QRFPR: variants seen among roughly 807,000 people sequenced by gnomAD.
The protein encoded by QRFPR is pyroglutamylated RF-amide peptide receptor.
QRFPR carries 37 observed loss-of-function variants against 31.3 expected under a neutral mutation model. That is an observed-to-expected ratio of 1.18 (90% confidence interval 0.91 to 1.56). The LOEUF is 1.56. QRFPR is among the 40% of genes most tolerant of loss of function. QRFPR has a pLI of 0.00. For missense variants in QRFPR, 542 were observed against 532.5 expected (o/e 1.02, Z -0.18); for synonymous variants, 197 against 192.0 (o/e 1.03, Z -0.22).
At position 121,365,581 on chromosome 4, in the gene QRFPR, T is replaced by TAA. The variant is rs1560743864; in HGVS notation, c.340+14726_340+14727insTT. On this transcript the variant is annotated intron_variant, in intron 1 of 5. Coordinates refer to ENST00000394427, the MANE Select transcript of QRFPR (RefSeq NM_198179.3). ...TAATATATATTATATATAATATATATTATATATATTATATATATATAATAT... is the reference window on the plus strand; with the variant it reads ...TAATATATATTATATATAATATATATAATATATATATTATATATATATAATAT... 4.7e-4 allele frequency among the ~76,000 whole-genome samples: 3 copies of TAA among 6,374 alleles called. 1 individual carries two copies. The highest frequency in any genetic ancestry group is 5.5e-4 in the Non-Finnish European group (2 of 3,638). The allele number at this position is 6,374 out of a possible 152,430, so 4.2% of individuals were successfully genotyped here.
At chr4:121,340,633 A>G in intron 1 of QRFPR, 23 bp from the exon 2 acceptor site, 1 of 1,601,002 alleles carries the variant, frequency 6.2e-7, no homozygotes, top group Non-Finnish European at 8.5e-7. Context: ...AATAGGACAA[A>G]TCATACATCA....
chr4:121,332,799 G>A, intron 4 of QRFPR, 22 bp downstream of exon 4: 1 of 1,536,808 alleles, frequency 6.5e-7, no homozygotes, highest in Non-Finnish European at 9.0e-7. Flanking sequence ...ATTTAAAGAG[G>A]TGAATATTTC....
intron 1 of QRFPR, among the ~76,000 whole-genome samples, chr4:121,341,331 C>A (rs1463229394): frequency 6.6e-6 from 1 of 152,174 alleles, no homozygotes; most frequent in Non-Finnish European, 1.5e-5. Flanking sequence ...TTGCTGCTAC[C>A]AAATTCATCA....
At chr4:121,354,026 G>A (rs1725816322) in intron 1 of QRFPR, among the ~76,000 whole-genome samples, 1 of 152,004 alleles carries the variant, frequency 6.6e-6, no homozygotes, top group African/African-American at 2.4e-5. Context: ...GCAAATGCAT[G>A]AATTTATTCC....
In QRFPR at chr4:121,340,569, C is replaced by T. The variant is rs189743021; in HGVS notation, c.382G>A (p.Ala128Thr). ...CKMVPFVQST[A>T]VVTEILTMTC... ...ATAGTGAGGATTTCTGTCACAACAG[C>T]GGTAGACTGGACAAATGGCACCATC... Residue 128 changes from alanine (A) to threonine (T), a missense_variant, in exon 2 of 6, where the codon GCT becomes ACT. By Grantham distance (58) the Ala-to-Thr change is moderately conservative. Coordinates refer to ENST00000394427, the MANE Select transcript of QRFPR (RefSeq NM_198179.3). 2.5e-5 allele frequency: 40 copies of T among 1,613,938 alleles called. No individual in the cohort carries two copies. The highest frequency in any genetic ancestry group is 1.5e-4 in the African/African-American group (11 of 74,990).
chr4:121,333,452 C>A (rs1482848165), intron 3 of QRFPR, among the ~76,000 whole-genome samples: 1 of 152,182 alleles, frequency 6.6e-6, no homozygotes, highest in East Asian at 1.9e-4. Flanking sequence ...TATTTTGCTT[C>A]TTCAATTGTT....
chr4:121,367,560 A>AAT lies in QRFPR; in HGVS notation c.340+12746_340+12747dup, dbSNP rs1353415144. Among the ~76,000 whole-genome samples, 5 of 150,606 alleles carry AAT rather than the reference A, an allele frequency of 3.3e-5. No homozygotes were observed. The East Asian group carries it at 9.9e-4, about 30-fold the overall frequency. ...AGTTGCTTTGTAAAAGTACACACCA[A>AAT]ATATATTTGAGATATTACTAACAGT... On this transcript the variant is annotated intron_variant, in intron 1 of 5. Transcript: ENST00000394427.
intron 1 of QRFPR, among the ~76,000 whole-genome samples, chr4:121,366,066 C>T (rs1459655250): frequency 1.3e-5 from 2 of 149,008 alleles, no homozygotes; most frequent in African/African-American, 2.5e-5. Flanking sequence ...TACCTGAGTT[C>T]GAGGGGTGGA....
chr4:121,337,090 C>T (rs1361748776), intron 2 of QRFPR, among the ~76,000 whole-genome samples: 1 of 152,232 alleles, frequency 6.6e-6, no homozygotes, highest in East Asian at 1.9e-4. Flanking sequence ...AATAGTGTTT[C>T]ACTGCCTACA....
At chr4:121,331,158 T>C (rs1725313983) in intron 4 of QRFPR, among the ~76,000 whole-genome samples, 1 of 147,360 alleles carries the variant, frequency 6.8e-6, no homozygotes. Flanking sequence ...AATGGATATC[T>C]ATACGATATA....
chr4:121,330,319 A>G, intron 5 of QRFPR, 107 bp downstream of exon 5: 1 of 725,832 alleles, frequency 1.4e-6, no homozygotes, highest in Non-Finnish European at 2.3e-6. Context: ...ATGAAATGTT[A>G]GGTATTTGAT....
intron 1 of QRFPR, among the ~76,000 whole-genome samples, chr4:121,341,435 T>C (rs1017196664): frequency 6.6e-6 from 1 of 152,148 alleles, no homozygotes; most frequent in Non-Finnish European, 1.5e-5. Context: ...AAAGCAGAAA[T>C]TCTCTCTTCA....
intron 1 of QRFPR, among the ~76,000 whole-genome samples, chr4:121,377,999 C>T (rs995019294): frequency 3.3e-5 from 5 of 151,962 alleles, no homozygotes; most frequent in Admixed American, 6.6e-5. Flanking sequence ...ATGCTCTCAC[C>T]TCTCCCTCGC....
chr4:121,344,485 C>T (rs952867262), intron 1 of QRFPR, among the ~76,000 whole-genome samples: 1 of 152,104 alleles, frequency 6.6e-6, no homozygotes, highest in Non-Finnish European at 1.5e-5. Flanking sequence ...AACCAGCTCT[C>T]TAAGAAATTA....
At position 121,333,031 on chromosome 4, in the gene QRFPR, T is replaced by C. The variant is rs1725362652; in HGVS notation, c.587A>G (p.Lys196Arg). Reference protein sequence around the residue: ...LEIKYDFLYEKEHICCLEEWT... With the variant: ...LEIKYDFLYEREHICCLEEWT... ...CTCTTCTAAGCAGCAGATGTGTTCC[T>C]TTTCATATAGGAAGTCATATTTGAT... is the stretch of plus-strand genomic sequence containing the variant. The change falls in exon 4 of 6, where the codon AAG becomes AGG. Residue 196 changes from lysine (K) to arginine (R), a missense_variant. Coordinates refer to ENST00000394427, the MANE Select transcript of QRFPR (RefSeq NM_198179.3). 1 of 1,612,232 alleles carries C rather than the reference T, an allele frequency of 6.2e-7. No homozygotes were observed. The highest frequency in any genetic ancestry group is 1.1e-5 in the South Asian group (1 of 90,882).
chr4:121,358,596 T>C (rs905434768), intron 1 of QRFPR, among the ~76,000 whole-genome samples: 1 of 152,214 alleles, frequency 6.6e-6, no homozygotes, highest in African/African-American at 2.4e-5. Flanking sequence ...ACAGAATAGT[T>C]GGGGGAAGGG....
At chr4:121,350,996 T>TAATA (rs1219245149) in intron 1 of QRFPR, among the ~76,000 whole-genome samples, 1 of 152,202 alleles carries the variant, frequency 6.6e-6, no homozygotes, top group Non-Finnish European at 1.5e-5. Flanking sequence ...TTCTTGGGCT[T>TAATA]AATACCTAGG....
intron 1 of QRFPR, among the ~76,000 whole-genome samples, chr4:121,367,882 A>ATTT (rs33979199): frequency 0.39 from 56,186 of 144,248 alleles, 12,984 homozygotes; most frequent in East Asian, 0.79. Context: ...ACATTTGCAG[A>ATTT]TTTTTTTTTT....
chr4:121,329,474 C>T lies in QRFPR; in HGVS notation c.1136G>A (p.Arg379Lys). ...TTTGGTTTCCTCCACTGGATTCTCTCTGAGGGAAAACTTTGCTTTCTTCCG... is the reference window on the plus strand; with the variant it reads ...TTTGGTTTCCTCCACTGGATTCTCTTTGAGGGAAAACTTTGCTTTCTTCCG... ...MMRKKAKFSL[R>K]ENPVEETKGE... Residue 379 changes from arginine to lysine, a missense_variant, in exon 6 of 6, where the codon AGA becomes AAA. Coordinates refer to ENST00000394427, the MANE Select transcript of QRFPR (RefSeq NM_198179.3). 6.2e-7 allele frequency: 1 copy of T among 1,614,154 alleles called. No homozygotes were observed.
Sources: allele counts gnomAD v4.1 joint callset (sites outside exome capture counted in the v4.1 genomes callset), GRCh38; gene constraint gnomAD v4.1.1; transcripts MANE v1.5; gene names NCBI Gene and HGNC (gene_info 2026-07-23, HGNC 2026-07-21).